MTHFD1L: variants seen among roughly 807,000 people sequenced by gnomAD.
MTHFD1L encodes methylenetetrahydrofolate dehydrogenase (NADP+ dependent) 1 like, also known as monofunctional C1-tetrahydrofolate synthase, mitochondrial.
Under a neutral mutation model 119.5 loss-of-function variants are expected in MTHFD1L, and 81 were observed. The observed-to-expected ratio is 0.68, with a 90% CI of 0.57 to 0.82. MTHFD1L has a LOEUF of 0.82. Among genes scored for constraint, MTHFD1L ranks in the 40% least tolerant of loss-of-function variants. MTHFD1L has a pLI of 0.00. For synonymous variants in MTHFD1L, 430 were observed against 475.2 expected, an observed-to-expected ratio of 0.90 and a Z score of 1.24; for missense variants, 1,125 against 1,253.4, an observed-to-expected ratio of 0.90 and a Z score of 1.55.
At chr6:150,881,180 C>T (rs1004641933) in intron 4 of MTHFD1L, among the ~76,000 whole-genome samples, 1 of 152,160 alleles carries the variant, frequency 6.6e-6, no homozygotes, top group Non-Finnish European at 1.5e-5. Flanking sequence ...TGTCATGAAG[C>T]ATTTCCCCTG....
chr6:151,055,521 C>CTTTT (rs1335987382), intron 26 of MTHFD1L, among the ~76,000 whole-genome samples: 1 of 142,552 alleles, frequency 7.0e-6, no homozygotes, highest in African/African-American at 2.6e-5. Flanking sequence ...TGTGCTGAAT[C>CTTTT]TTTTTTTTTT....
chr6:150,884,540 C>T (rs192174610), intron 5 of MTHFD1L, among the ~76,000 whole-genome samples: 10 of 152,102 alleles, frequency 6.6e-5, no homozygotes. Flanking sequence ...AAGCACTAAT[C>T]CATGAGAAAA....
intron 20 of MTHFD1L, among the ~76,000 whole-genome samples, chr6:150,978,848 G>T (rs1583919746): frequency 6.6e-6 from 1 of 152,264 alleles, no homozygotes; most frequent in East Asian, 1.9e-4. Flanking sequence ...GACGTGACCT[G>T]AGGGCTCCTC....
intron 20 of MTHFD1L, among the ~76,000 whole-genome samples, 181 bp downstream of exon 20, chr6:150,972,239 G>C (rs946410185): frequency 6.6e-6 from 1 of 152,098 alleles, no homozygotes; most frequent in Admixed American, 6.6e-5. Flanking sequence ...AATTATGCTT[G>C]TGCTTGAATC....
At chr6:151,079,061 G>A (rs1461010723) in intron 26 of MTHFD1L, among the ~76,000 whole-genome samples, 1 of 152,134 alleles carries the variant, frequency 6.6e-6, no homozygotes, top group Admixed American at 6.5e-5. Context: ...GGTGGTATGT[G>A]ATTGACAGCG....
chr6:151,015,445 A>G (rs541430663), intron 23 of MTHFD1L, 71 bp from the exon 24 acceptor site: 100 of 1,518,854 alleles, frequency 6.6e-5, no homozygotes, highest in Non-Finnish European at 8.4e-5. Context: ...TTCTGTATAA[A>G]TGGTGAGTCT....
chr6:151,018,514 A>G (rs1320797607), intron 24 of MTHFD1L, among the ~76,000 whole-genome samples: 1 of 152,220 alleles, frequency 6.6e-6, no homozygotes. Flanking sequence ...CCCATTTTAC[A>G]GACAAGAAAA....
At chr6:150,955,897 C>G (rs998583222) in intron 16 of MTHFD1L, 98 bp from the exon 17 acceptor site, 1 of 1,011,020 alleles carries the variant, frequency 9.9e-7, no homozygotes, top group African/African-American at 1.6e-5. Context: ...TTTTCTCTTT[C>G]ACCCTCTGCA....
At chr6:150,875,979 TG>T in intron 1 of MTHFD1L, 110 bp from the exon 2 acceptor site, 1 of 829,628 alleles carries the variant, frequency 1.2e-6, no homozygotes, top group Non-Finnish European at 2.0e-6. Context: ...CGTCCTTCTG[TG>T]GTCTAGTTAT....
chr6:150,869,441 C>T (rs1265895068), intron 1 of MTHFD1L, among the ~76,000 whole-genome samples: 1 of 152,084 alleles, frequency 6.6e-6, no homozygotes, highest in East Asian at 1.9e-4. Flanking sequence ...GGTTTCTGTT[C>T]CTGTGTTGGT....
intron 26 of MTHFD1L, 131 bp downstream of exon 26, chr6:151,037,248 C>T (rs1450333442): frequency 1.9e-5 from 19 of 987,478 alleles, no homozygotes; most frequent in Admixed American, 7.5e-5. Context: ...GTACAGTATT[C>T]GCTATTTTTC....
At chr6:151,097,390 G>A (rs2128664459) in intron 27 of MTHFD1L, among the ~76,000 whole-genome samples, 1 of 152,194 alleles carries the variant, frequency 6.6e-6, no homozygotes, top group East Asian at 1.9e-4. Flanking sequence ...AAGAAAATGT[G>A]GTATGTATAG....
rs561166910 is a variant in MTHFD1L, at chr6:150,997,196, C to T, written c.2126-12623C>T. Among the ~76,000 whole-genome samples, 4 of 152,304 alleles carry T rather than the reference C, an allele frequency of 2.6e-5. No homozygotes were observed. The East Asian group carries it at 5.8e-4, about 22-fold the overall frequency. ...TACTGAGGACCAAGACCTGTCTTTC[C>T]TGTAGGGCAGTGAGGGCCACGGGCT... On this transcript the variant is annotated intron_variant, in intron 20 of 27. Transcript: ENST00000367321.
intron 19 of MTHFD1L, among the ~76,000 whole-genome samples, chr6:150,969,379 A>G (rs1157855450): frequency 6.6e-6 from 1 of 152,102 alleles, no homozygotes; most frequent in Non-Finnish European, 1.5e-5. Flanking sequence ...AGTAAGGGCA[A>G]TAAGACCTGC....
chr6:150,963,247 G>A (rs934464350), intron 18 of MTHFD1L, among the ~76,000 whole-genome samples: 4 of 152,038 alleles, frequency 2.6e-5, no homozygotes, highest in South Asian at 2.1e-4. Flanking sequence ...AACCATCTTC[G>A]TGTATGTATA....
intron 8 of MTHFD1L, among the ~76,000 whole-genome samples, chr6:150,914,722 G>A (rs907193831): frequency 9.8e-5 from 15 of 152,328 alleles, no homozygotes; most frequent in South Asian, 6.2e-4. Context: ...CCTAGCTGCC[G>A]GTGGACAGCC....
chr6:150,866,784 G>T (rs1022417588), intron 1 of MTHFD1L: 8 of 852,342 alleles, frequency 9.4e-6, no homozygotes, highest in Non-Finnish European at 1.1e-5. Flanking sequence ...GGAGCCCCGG[G>T]CCCGGCCTTT....
At chr6:151,089,591 ACT>A (rs1794193217) in intron 26 of MTHFD1L, among the ~76,000 whole-genome samples, 1 of 152,156 alleles carries the variant, frequency 6.6e-6, no homozygotes, top group South Asian at 2.1e-4. Context: ...TGAGAGTGAG[ACT>A]CTGTCTCAAA....
At chr6:151,073,954 A>G (rs187379964) in intron 26 of MTHFD1L, among the ~76,000 whole-genome samples, 125 of 152,328 alleles carry the variant, frequency 8.2e-4, no homozygotes, top group Non-Finnish European at 1.4e-3. Context: ...CTATAAACTC[A>G]TACATTCAAA....
Sources: allele counts gnomAD v4.1 joint callset (sites outside exome capture counted in the v4.1 genomes callset), GRCh38; gene constraint gnomAD v4.1.1; transcripts MANE v1.5; gene names NCBI Gene and HGNC (gene_info 2026-07-23, HGNC 2026-07-21).